Variants in RASSF3 observed in about 807,000 individuals in gnomAD.
The protein encoded by RASSF3 is ras association domain-containing protein 3.
In RASSF3, 19 loss-of-function variants were observed where a neutral mutation model predicts 19.9. The observed-to-expected ratio is 0.96, with a 90% CI of 0.67 to 1.40. The LOEUF (loss-of-function observed/expected upper bound fraction) is 1.40. Among genes scored for constraint, RASSF3 ranks in the 40% most tolerant of loss-of-function variants. The pLI is 0.00. For missense variants in RASSF3, 306 were observed against 289.8 expected (o/e 1.06, Z -0.41); for synonymous variants, 110 against 104.2 (o/e 1.06, Z -0.34).
chr12:64,637,817 T>C (rs1046703829), intron 1 of RASSF3, among the ~76,000 whole-genome samples: 7 of 151,764 alleles, frequency 4.6e-5, no homozygotes, highest in Non-Finnish European at 1.0e-4. Flanking sequence ...TTGTGCCCTT[T>C]TTCTATAGTT....
chr12:64,538,416 G>A lies in RASSF3; in HGVS notation c.68-3165G>A, dbSNP rs554902845. On this transcript the variant is annotated intron_variant, in intron 1 of 1. Coordinates refer to the RASSF3 transcript ENST00000636333. ...CAAATACAGTCACATGTTGATGTAC[G>A]AGTGGTTAGGACTTCAACATCTGAA... 1.1e-4 allele frequency among the ~76,000 whole-genome samples: 17 copies of A among 152,168 alleles called. No individual in the cohort carries two copies. The South Asian group carries it at 3.3e-3, about 30-fold the overall frequency.
intron 2 of RASSF3, among the ~76,000 whole-genome samples, chr12:64,552,047 C>T (rs1414332321): frequency 6.6e-6 from 1 of 152,164 alleles, no homozygotes; most frequent in East Asian, 1.9e-4. Flanking sequence ...TGCAGTCACA[C>T]CCAGACCCTA....
chr12:64,675,219 A>T (rs1035598352), intron 1 of RASSF3, among the ~76,000 whole-genome samples: 2 of 152,218 alleles, frequency 1.3e-5, no homozygotes, highest in Non-Finnish European at 2.9e-5. Context: ...TTGTTCCTTT[A>T]TAATGTACTC....
At chr12:64,675,086 T>C (rs1466282845) in intron 1 of RASSF3, among the ~76,000 whole-genome samples, 1 of 105,400 alleles carries the variant, frequency 9.5e-6, no homozygotes, top group Non-Finnish European at 1.9e-5. Flanking sequence ...GCTTAACAAG[T>C]AACCTCAAGG....
At chr12:64,671,794 C>T (rs576984968) in intron 1 of RASSF3, among the ~76,000 whole-genome samples, 49 of 152,338 alleles carry the variant, frequency 3.2e-4, no homozygotes, top group Non-Finnish European at 5.7e-4. Context: ...CCTGAATTGA[C>T]GGCAGCAGAG....
chr12:64,660,744 AT>A (rs1381366345), intron 1 of RASSF3, among the ~76,000 whole-genome samples: 2 of 152,140 alleles, frequency 1.3e-5, no homozygotes, highest in African/African-American at 4.8e-5. Context: ...TTGAAAAAAA[AT>A]TTCTTTCAGG....
intron 2 of RASSF3, among the ~76,000 whole-genome samples, chr12:64,566,206 A>G (rs946646107): frequency 9.2e-5 from 14 of 152,334 alleles, no homozygotes; most frequent in African/African-American, 2.6e-4. Context: ...GTCTCAAAAA[A>G]AAGTCTTGCT....
intron 1 of RASSF3, among the ~76,000 whole-genome samples, chr12:64,649,189 G>A (rs191695329): frequency 1.5e-5 from 2 of 134,902 alleles, no homozygotes; most frequent in Non-Finnish European, 3.4e-5. Flanking sequence ...GCAGCCATCT[G>A]GGTTTTTTTT....
intron 1 of RASSF3, among the ~76,000 whole-genome samples, chr12:64,512,057 G>A (rs1399927115): frequency 6.6e-6 from 1 of 152,188 alleles, no homozygotes; most frequent in Non-Finnish European, 1.5e-5. Context: ...AAGGAGGGGG[G>A]CTGCTTATTA....
chr12:64,507,569 T>C (rs1868299740), intron 1 of RASSF3: 1 of 321,144 alleles, frequency 3.1e-6, no homozygotes, highest in Non-Finnish European at 5.6e-6. Context: ...GTATGCTTTT[T>C]AGGCATTTTG....
intron 1 of RASSF3, among the ~76,000 whole-genome samples, chr12:64,634,762 TAAAAAAAAAAAAAAA>T (rs57235286): frequency 1.1e-5 from 1 of 90,988 alleles, no homozygotes; most frequent in Non-Finnish European, 2.2e-5. Context: ...CACCATCTCA[TAAAAAAAAAAAAAAA>T]AAAAAAAAAA....
intron 2 of RASSF3, among the ~76,000 whole-genome samples, chr12:64,584,879 C>CTTT (rs34522445): frequency 0.38 from 30,859 of 80,704 alleles, 7,334 homozygotes; most frequent in Non-Finnish European, 0.49. Flanking sequence ...CAGAAGGATT[C>CTTT]TTTTTTTTTT....
At chr12:64,520,555 C>CATAT (rs66975333) in intron 1 of RASSF3, among the ~76,000 whole-genome samples, 5,633 of 83,882 alleles carry the variant, frequency 0.067, 193 homozygotes, top group Non-Finnish European at 0.08. Context: ...CACATACACA[C>CATAT]ATATATATAT....
At chr12:64,602,116 GAAA>G (rs113855938) in intron 2 of RASSF3, among the ~76,000 whole-genome samples, 1 of 120,284 alleles carries the variant, frequency 8.3e-6, no homozygotes, top group Non-Finnish European at 1.8e-5. Flanking sequence ...CTTCGTCTCA[GAAA>G]AAAAAAAAAA....
At chr12:64,580,395 A>G (rs1869671910) in intron 2 of RASSF3, among the ~76,000 whole-genome samples, 1 of 152,070 alleles carries the variant, frequency 6.6e-6, no homozygotes, top group Non-Finnish European at 1.5e-5. Context: ...AAGTTCCACA[A>G]ACTCGGTGGC....
At chr12:64,672,066 T>A (rs1256888654) in intron 1 of RASSF3, among the ~76,000 whole-genome samples, 1 of 152,214 alleles carries the variant, frequency 6.6e-6, no homozygotes, top group Non-Finnish European at 1.5e-5. Context: ...TAAAATTTTT[T>A]AACTTTTGTG....
chr12:64,676,942 A>T (rs1049668553), intron 1 of RASSF3, among the ~76,000 whole-genome samples: 1 of 151,554 alleles, frequency 6.6e-6, no homozygotes, highest in Non-Finnish European at 1.5e-5. Flanking sequence ...CTAATTTTCT[A>T]TTTTTAGTAG....
chr12:64,577,945 G>A (rs188524129), intron 2 of RASSF3, among the ~76,000 whole-genome samples: 56 of 152,190 alleles, frequency 3.7e-4, no homozygotes, highest in African/African-American at 1.3e-3. Context: ...ATTGCCAGGT[G>A]TGATGGCTCA....
chr12:64,532,684 A>T (rs1241340816), upstream of RASSF3, among the ~76,000 whole-genome samples: 1 of 151,454 alleles, frequency 6.6e-6, no homozygotes, highest in Admixed American at 6.6e-5. Flanking sequence ...TTTTTTTTTT[A>T]AATTAGGCAG....
Sources: allele counts gnomAD v4.1 joint callset (sites outside exome capture counted in the v4.1 genomes callset), GRCh38; gene constraint gnomAD v4.1.1; transcripts MANE v1.5; gene names NCBI Gene and HGNC (gene_info 2026-07-23, HGNC 2026-07-21).